FAM83E: variants seen among roughly 807,000 people sequenced by gnomAD.
FAM83E encodes protein FAM83E.
A neutral mutation model predicts 34.3 loss-of-function variants in FAM83E; 29 were observed. The observed-to-expected ratio is 0.85, with a 90% CI of 0.63 to 1.15. The LOEUF is 1.15. FAM83E is among the 50% of genes most tolerant of loss of function. The pLI is 0.00. For synonymous variants in FAM83E, 312 were observed against 311.6 expected (o/e 1.00, Z -0.01); for missense variants, 697 against 685.0 (o/e 1.02, Z -0.20).
In FAM83E at chr19:48,614,798, G is replaced by A. The variant is rs1974119709; in HGVS notation, c.-1346C>T. ...CTGTGGCTCCCCGGCTTCTACTTCT[G>A]CGGTGCTTCCCGGCTTCTGGCCTCA... On this transcript the variant is annotated 5_prime_UTR_variant, in exon 2 of 7. An upstream open reading frame in the 5' UTR gains an earlier in-frame stop. Coordinates refer to ENST00000263266, the MANE Select transcript of FAM83E (RefSeq NM_017708.4). 3 of 983,522 alleles carry A rather than the reference G, an allele frequency of 3.1e-6. No homozygotes were observed. In the African/African-American group the frequency reaches 5.3e-5, roughly 17 times the overall value. 60.9% of individuals were successfully genotyped at this position (983,522 alleles called of 1,614,324 possible).
Position 48,602,698 on chromosome 19 carries a change from AAAAAAAATATATATATATATATATATAT to A in FAM83E, c.1176+768_1176+795del, listed in dbSNP as rs1433894322. On this transcript the variant is annotated intron_variant, in intron 6 of 6. Coordinates refer to ENST00000263266, the MANE Select transcript of FAM83E (RefSeq NM_017708.4). ...CAAGACCCTATCTCAAAAAAAAAAA[AAAAAAAATATATATATATATATATATAT>A]ATATATATATATATATATATATATA... Among the ~76,000 whole-genome samples the A allele has an allele frequency of 1.6e-4, 5 of 30,940 alleles. 2 individuals carry two copies. The highest frequency in any genetic ancestry group is 6.1e-4 in the African/African-American group (5 of 8,198). 20.3% of individuals were successfully genotyped at this position (30,940 alleles called of 152,430 possible).
intron 5 of FAM83E, chr19:48,607,454 C>A: frequency 7.0e-7 from 1 of 1,423,086 alleles, no homozygotes; most frequent in Non-Finnish European, 9.4e-7. Context: ...CCCTGGACAA[C>A]CTCTTGCGGC....
At chr19:48,612,791 G>A (rs1441830521) in intron 3 of FAM83E, 117 bp downstream of exon 3, 13 of 1,201,420 alleles carry the variant, frequency 1.1e-5, no homozygotes, top group East Asian at 2.6e-5. Flanking sequence ...GGGTCCCAGG[G>A]GTATAGGTCC....
chr19:48,610,030 CTTGCTG>C lies in FAM83E; in HGVS notation c.634-36_634-31del, dbSNP rs758552153. 1.9e-6 allele frequency: 3 copies of C among 1,603,428 alleles called. No homozygotes were observed. In the South Asian group the frequency reaches 3.3e-5, roughly 18 times the overall value. On this transcript the variant is annotated intron_variant, in intron 4 of 6. Coordinates refer to ENST00000263266, the MANE Select transcript of FAM83E (RefSeq NM_017708.4). ...TGGTGTGGGGAGTGGAGGGTACACC[CTTGCTG>C]AGGCCCACTGCATGGATTCAGGCTC...
chr19:48,604,724 C>T (rs949004992), intron 5 of FAM83E, among the ~76,000 whole-genome samples: 8 of 139,558 alleles, frequency 5.7e-5, no homozygotes, highest in African/African-American at 2.1e-4. Context: ...CCTCGCCCCC[C>T]TCCCAAAAAA....
rs374805033 is a variant in FAM83E, at chr19:48,610,757, G to C, written c.556C>G (p.Leu186Val). Residue 186 changes from leucine (L) to valine (V), a missense_variant, in exon 4 of 7, where the codon CTG becomes GTG. Leu to Val is a conservative substitution (Grantham distance 32). Transcript: ENST00000263266. ...GGCAGCTGCTGGCGGTCCAGGAGCA[G>C]GTAGACAGGTACCCAGCGGCGCGTG... ...AATRRWVPVY[L>V]LLDRQQLPAF... 1 of 1,587,772 alleles carries C rather than the reference G, an allele frequency of 6.3e-7. No homozygotes were observed. The highest frequency in any genetic ancestry group is 8.6e-7 in the Non-Finnish European group (1 of 1,167,212).
In FAM83E at chr19:48,614,721, T is replaced by C. The variant is rs556630698; in HGVS notation, c.-1269A>G. On this transcript the variant is annotated 5_prime_UTR_variant, in exon 2 of 7. Transcript: ENST00000263266. Reference sequence around the variant, plus strand: ...GCCGGGGCTCACCCACACCGGCTAGTGCCGGGCTCAATGGCCTCCCTTCCA... The same window carrying C: ...GCCGGGGCTCACCCACACCGGCTAGCGCCGGGCTCAATGGCCTCCCTTCCA... The C allele has an allele frequency of 7.2e-6, 7 of 970,358 alleles. No homozygotes were observed. Among genetic ancestry groups the C allele is most frequent in the Non-Finnish European group, 8.5e-6 (7 of 818,930 alleles). The allele number at this position is 970,358 out of a possible 1,614,324, so 60.1% of individuals were successfully genotyped here.
At position 48,601,381 on chromosome 19, in the gene FAM83E, AAG is replaced by A; in HGVS notation, c.1177-14_1177-13del. 1.3e-6 allele frequency: 2 copies of A among 1,558,992 alleles called. No homozygotes were observed. The highest frequency in any genetic ancestry group is 1.7e-6 in the Non-Finnish European group (2 of 1,150,946). On this transcript the variant is annotated splice_polypyrimidine_tract_variant and intron_variant, in intron 6 of 6. Transcript: ENST00000263266. ...CAGGATTTCTTGAGCTGTGGAGGGA[AAG>A]AGAGGGAGGTGAGAGGAGGCTGGGG... is the stretch of plus-strand genomic sequence containing the variant.
Position 48,614,943 on chromosome 19 carries a change from T to A in FAM83E, c.-1394A>T, listed in dbSNP as rs756608586. 1.0e-5 allele frequency: 3 copies of A among 288,384 alleles called. No individual in the cohort carries two copies. Among genetic ancestry groups the A allele is most frequent in the African/African-American group, 2.3e-5 (1 of 44,008 alleles). 17.9% of individuals were successfully genotyped at this position (288,384 alleles called of 1,614,324 possible). A position where few individuals can be genotyped will look rare whatever the true frequency, so the allele number is the denominator to read the frequency against. On this transcript the variant is annotated 5_prime_UTR_variant, in exon 1 of 7. Transcript: ENST00000263266. ...GCTCACACGCTTTCTTTACCTGTGC[T>A]CTCCCAGGGGGTGAACGCCCCTCTA...
At position 48,614,041 on chromosome 19, in the gene FAM83E, A is replaced by C. The variant is rs1974098792; in HGVS notation, c.-669T>G. On this transcript the variant is annotated 5_prime_UTR_variant, in exon 3 of 7. Transcript: ENST00000263266. ...TCTCTGGCCAAATCTGACAGCCCCC[A>C]CGAGTTTCTCCTGCTCATCAGCTCT... 1.3e-5 allele frequency: 13 copies of C among 985,506 alleles called. No homozygotes were observed. The highest frequency in any genetic ancestry group is 1.6e-5 in the Non-Finnish European group (13 of 830,082). The allele number at this position is 985,506 out of a possible 1,614,324, so 61.0% of individuals were successfully genotyped here.
chr19:48,606,724 G>A (rs1973934867), intron 5 of FAM83E: 4 of 536,432 alleles, frequency 7.5e-6, no homozygotes, highest in Non-Finnish European at 1.0e-5. Flanking sequence ...GAACCCTGAG[G>A]GATCTGTGAG....
In FAM83E at chr19:48,613,482, G is replaced by A. The variant is rs1038518383; in HGVS notation, c.-110C>T. On this transcript the variant is annotated 5_prime_UTR_variant, in exon 3 of 7. In the 5' UTR this introduces an upstream ATG that the reference lacks. Transcript: ENST00000263266. ...GGTTCTCCTGATAGGCAGACCCTAC[G>A]TGGCCATCCGAGGCCTCCGGCGGGG... 36 of 1,431,710 alleles carry A rather than the reference G, an allele frequency of 2.5e-5. 1 individual carries two copies. In the Middle Eastern group the frequency reaches 7.7e-4, roughly 31 times the overall value. 88.7% of individuals were successfully genotyped at this position (1,431,710 alleles called of 1,614,324 possible). A position where few individuals can be genotyped will look rare whatever the true frequency, so the allele number is the denominator to read the frequency against.
chr19:48,602,238 G>A (rs1235061275), intron 6 of FAM83E, among the ~76,000 whole-genome samples: 1 of 150,822 alleles, frequency 6.6e-6, no homozygotes, highest in Non-Finnish European at 1.5e-5. Context: ...AGAGGAGGGA[G>A]GAGGGGAGCC....
chr19:48,612,928 C>T lies in FAM83E; in HGVS notation c.445G>A (p.Glu149Lys). The change falls in exon 3 of 7, where the codon GAG becomes AAG. Residue 149 changes from glutamate (E) to lysine (K), a missense_variant. Coordinates refer to ENST00000263266, the MANE Select transcript of FAM83E (RefSeq NM_017708.4). ...QPPLKELVRL[E>K]IQAAHKLVAV... Reference sequence around the variant, plus strand: ...CCCACCTTGTGGGCAGCCTGGATCTCCAGCCGCACCAGCTCCTTGAGGGGC... The same window carrying T: ...CCCACCTTGTGGGCAGCCTGGATCTTCAGCCGCACCAGCTCCTTGAGGGGC... 6.4e-7 allele frequency: 1 copy of T among 1,561,848 alleles called. No homozygotes were observed. Among genetic ancestry groups the T allele is most frequent in the Non-Finnish European group, 8.7e-7 (1 of 1,151,320 alleles).
chr19:48,605,082 G>A (rs1046087610), intron 5 of FAM83E, among the ~76,000 whole-genome samples: 8 of 150,048 alleles, frequency 5.3e-5, no homozygotes, highest in Non-Finnish European at 1.0e-4. Context: ...CCCAGGCTCT[G>A]CCTGGTCCCC....
intron 6 of FAM83E, 97 bp downstream of exon 6, chr19:48,603,397 C>T: frequency 8.3e-7 from 1 of 1,210,920 alleles, no homozygotes; most frequent in Non-Finnish European, 1.1e-6. Flanking sequence ...CCTGCTCTGG[C>T]TGGGAGCAGG....
chr19:48,601,869 C>T (rs62130312), intron 6 of FAM83E, among the ~76,000 whole-genome samples: 31,282 of 149,890 alleles, frequency 0.21, 4,111 homozygotes, highest in African/African-American at 0.38. Context: ...AGATGGAGGC[C>T]GGACGCGGTG....
Position 48,613,115 on chromosome 19 carries a change from C to T in FAM83E, c.258G>A (p.Glu86=), listed in dbSNP as rs761062082. ...VAKQEPSGMA[E]GATTTDVDAG... is the part of the protein sequence containing the mutation. ...CGTCCACATCGGTGGTGGTGGCTCCCTCTGCCATCCCGCTGGGCTCCTGCT... is the reference window on the plus strand; with the variant it reads ...CGTCCACATCGGTGGTGGTGGCTCCTTCTGCCATCCCGCTGGGCTCCTGCT... Residue 86 remains glutamate (E), a synonymous_variant, in exon 3 of 7, where the codon GAG becomes GAA. Transcript: ENST00000263266. 1.2e-5 allele frequency: 20 copies of T among 1,611,078 alleles called. No homozygotes were observed. The highest frequency in any genetic ancestry group is 1.2e-4 in the Admixed American group (7 of 59,848).
chr19:48,611,311 G>A (rs1974038569), intron 3 of FAM83E, among the ~76,000 whole-genome samples: 1 of 151,814 alleles, frequency 6.6e-6, no homozygotes. Context: ...TGGGACTACA[G>A]GCGCCCACCA....
Sources: allele counts gnomAD v4.1 joint callset (sites outside exome capture counted in the v4.1 genomes callset), GRCh38; gene constraint gnomAD v4.1.1; transcripts MANE v1.5; gene names NCBI Gene and HGNC (gene_info 2026-07-23, HGNC 2026-07-21).